FBRS: variants seen among roughly 807,000 people sequenced by gnomAD.
FBRS encodes fibrosin, also known as probable fibrosin-1.
FBRS carries 15 observed loss-of-function variants against 86.1 expected under a neutral mutation model. The observed-to-expected ratio is 0.17, with a 90% CI of 0.12 to 0.27. The LOEUF is 0.27. Among genes scored for constraint, FBRS ranks in the 10% least tolerant of loss-of-function variants. The pLI, the probability that FBRS is intolerant of heterozygous loss-of-function variation, is 1.00. For missense variants in FBRS, 1,367 were observed against 1,301.6 expected, an observed-to-expected ratio of 1.05 and a Z score of -0.77; for synonymous variants, 666 against 575.8, an observed-to-expected ratio of 1.16 and a Z score of -2.24.
chr16:30,669,837 G>A lies in FBRS; in HGVS notation c.*192G>A. 1.4e-6 allele frequency: 1 copy of A among 721,164 alleles called. No individual in the cohort carries two copies. The highest frequency in any genetic ancestry group is 2.2e-6 in the Non-Finnish European group (1 of 448,722). The allele number at this position is 721,164 out of a possible 1,614,324, so 44.7% of individuals were successfully genotyped here. A position where few individuals can be genotyped will look rare whatever the true frequency, so the allele number is the denominator to read the frequency against. ...ATCACATGGAGTGTAGGGTCACTGGGAGAGCAGAGGTCACAGCCTCTAGAG... is the reference window on the plus strand; with the variant it reads ...ATCACATGGAGTGTAGGGTCACTGGAAGAGCAGAGGTCACAGCCTCTAGAG... On this transcript the variant is annotated 3_prime_UTR_variant, in exon 18 of 18. Coordinates refer to ENST00000356166, the MANE Select transcript of FBRS (RefSeq NM_001105079.3). This position sits in a 1 kb window ranked among gnomAD's most constrained non-coding sequence, Gnocchi z 5.9.
Position 30,658,652 on chromosome 16 carries a change from A to T in FBRS, c.-867A>T, listed in dbSNP as rs1402806064. ...GGCGGACAGGGGAGCTGTACCCGTCACCGTTGCCTCACATCCGGGGCTTTG... is the reference window on the plus strand; with the variant it reads ...GGCGGACAGGGGAGCTGTACCCGTCTCCGTTGCCTCACATCCGGGGCTTTG... On this transcript the variant is annotated 5_prime_UTR_variant, in exon 1 of 18. Coordinates refer to ENST00000356166, the MANE Select transcript of FBRS (RefSeq NM_001105079.3). The T allele has an allele frequency of 3.3e-5, 5 of 152,248 alleles. No homozygotes were observed. The highest frequency in any genetic ancestry group is 2.0e-4 in the Admixed American group (3 of 15,284). 9.4% of individuals were successfully genotyped at this position (152,248 alleles called of 1,614,324 possible).
In FBRS at chr16:30,669,661, G is replaced by C; in HGVS notation, c.*16G>C. 6.4e-7 allele frequency: 1 copy of C among 1,572,840 alleles called. No individual in the cohort carries two copies. The highest frequency in any genetic ancestry group is 1.1e-5 in the South Asian group (1 of 88,150). ...TGACAGGTGAGGGGAACGGGGGGGG[G>C]TCGGGGCAAAGCTCCATCTCCCCTT... On this transcript the variant is annotated 3_prime_UTR_variant, in exon 18 of 18. Transcript: ENST00000356166. The surrounding 1 kb of genome is among the most constrained non-coding windows in gnomAD (Gnocchi z 5.9).
chr16:30,668,381 C>T, intron 15 of FBRS, 179 bp from the exon 16 acceptor site: 2 of 596,858 alleles, frequency 3.4e-6, no homozygotes, highest in South Asian at 4.4e-5. Context: ...GTGAGGTTAA[C>T]CGACAGGGTG....
intron 2 of FBRS, 117 bp downstream of exon 2, chr16:30,660,559 A>C: frequency 8.0e-7 from 1 of 1,255,730 alleles, no homozygotes; most frequent in Non-Finnish European, 1.0e-6. Flanking sequence ...GCAAAGAGGC[A>C]AGCAGGGCAA....
chr16:30,664,709 C>T lies in FBRS; in HGVS notation c.1358-6C>T. 1 of 1,515,390 alleles carries T rather than the reference C, an allele frequency of 6.6e-7. No individual in the cohort carries two copies. The highest frequency in any genetic ancestry group is 2.5e-5 in the East Asian group (1 of 40,470). 93.9% of individuals were successfully genotyped at this position (1,515,390 alleles called of 1,614,324 possible). A position where few individuals can be genotyped will look rare whatever the true frequency, so the allele number is the denominator to read the frequency against. ...CATTAAAGCCTTCTCCCGTCCCCTC[C>T]CACAGAGCAGGACCTGATCGGCCAG... On this transcript the variant is annotated splice_polypyrimidine_tract_variant and splice_region_variant and intron_variant, in intron 7 of 17. Transcript: ENST00000356166.
Position 30,669,656 on chromosome 16 carries a change from G to C in FBRS, c.*11G>C, listed in dbSNP as rs770484615. 28 of 1,579,980 alleles carry C rather than the reference G, an allele frequency of 1.8e-5. No homozygotes were observed. The highest frequency in any genetic ancestry group is 2.1e-5 in the Non-Finnish European group (24 of 1,168,094). ...CGGGCTGACAGGTGAGGGGAACGGG[G>C]GGGGGTCGGGGCAAAGCTCCATCTC... On this transcript the variant is annotated 3_prime_UTR_variant, in exon 18 of 18. Transcript: ENST00000356166. The surrounding 1 kb of genome is among the most constrained non-coding windows in gnomAD (Gnocchi z 5.9).
At chr16:30,664,094 T>C (rs2151268821) in intron 6 of FBRS, 121 bp from the exon 7 acceptor site, 1 of 1,183,826 alleles carries the variant, frequency 8.4e-7, no homozygotes, top group Non-Finnish European at 1.1e-6. Flanking sequence ...GTCCTGGGGC[T>C]GGGTTCTGCC....
rs1024106206 is a variant in FBRS at position 30,670,166 on chromosome 16, C to T, written c.*521C>T. 29 of 458,640 alleles carry T rather than the reference C, an allele frequency of 6.3e-5. No homozygotes were observed. Among genetic ancestry groups the T allele is most frequent in the Admixed American group, 5.2e-4 (22 of 42,558 alleles). 28.4% of individuals were successfully genotyped at this position (458,640 alleles called of 1,614,324 possible). A position where few individuals can be genotyped will look rare whatever the true frequency, so the allele number is the denominator to read the frequency against. On this transcript the variant is annotated 3_prime_UTR_variant, in exon 18 of 18. Coordinates refer to ENST00000356166, the MANE Select transcript of FBRS (RefSeq NM_001105079.3). ...GGTGCCCCTCCCAACAGTTCCCTTCCTGGTTAATTAAACCCTCAGACTGGT... is the reference window on the plus strand; with the variant it reads ...GGTGCCCCTCCCAACAGTTCCCTTCTTGGTTAATTAAACCCTCAGACTGGT...
rs1378104118 is a variant in FBRS at position 30,660,760 on chromosome 16, TAGCC to T, written c.639+322_639+325del. Among the ~76,000 whole-genome samples, 4 of 152,082 alleles carry T rather than the reference TAGCC, an allele frequency of 2.6e-5. No individual in the cohort carries two copies. In the South Asian group the frequency reaches 6.2e-4, roughly 24 times the overall value. On this transcript the variant is annotated intron_variant, in intron 2 of 17. Coordinates refer to ENST00000356166, the MANE Select transcript of FBRS (RefSeq NM_001105079.3). Reference sequence around the variant, plus strand: ...TGGTGGCAGTCCAGCAGAAAAGAAATAGCCAGCAAGCAAACACCTAGACCTTAAT... The same window carrying T: ...TGGTGGCAGTCCAGCAGAAAAGAAATAGCAAGCAAACACCTAGACCTTAAT...
Position 30,664,436 on chromosome 16 carries a change from C to T in FBRS, c.1277C>T (p.Pro426Leu). The change falls in exon 7 of 18, where the codon CCT becomes CTT. Residue 426 changes from proline (P) to leucine (L), a missense_variant. Pro to Leu is a moderately conservative substitution (Grantham distance 98, BLOSUM62 -3). Coordinates refer to ENST00000356166, the MANE Select transcript of FBRS (RefSeq NM_001105079.3). ...CCCCACCACCCCTCCTTGTTCTCCC[C>T]TGGCCCCACCCTGCCCCCACCCCCA... The part of the protein sequence containing the change: ...PPPHHPSLFS[P>L]GPTLPPPPPL... 7.0e-7 allele frequency: 1 copy of T among 1,430,348 alleles called. No homozygotes were observed. The highest frequency in any genetic ancestry group is 9.2e-7 in the Non-Finnish European group (1 of 1,081,906). The allele number at this position is 1,430,348 out of a possible 1,614,324, so 88.6% of individuals were successfully genotyped here.
chr16:30,660,719 C>T (rs918017793), intron 2 of FBRS: 11 of 497,518 alleles, frequency 2.2e-5, no homozygotes, highest in Admixed American at 7.9e-5. Flanking sequence ...ATTGTGGTTC[C>T]TGCCCTTCCT....
rs763622694 is a variant in FBRS, at chr16:30,665,727, C to T, written c.1773+21C>T. ...CACAGGTGAGGGGGCCAGGGCAGGT[C>T]CTGGGGGAGCTGGAAGGTGTGTTGC... is the stretch of plus-strand genomic sequence containing the variant. On this transcript the variant is annotated intron_variant, in intron 11 of 17. Transcript: ENST00000356166. This position sits in a 1 kb window ranked among gnomAD's most constrained non-coding sequence, Gnocchi z 4.1. 40 of 1,565,050 alleles carry T rather than the reference C, an allele frequency of 2.6e-5. No homozygotes were observed. The African/African-American group carries it at 5.0e-4, about 20-fold the overall frequency.
chr16:30,664,565 C>T (rs1344361048), intron 7 of FBRS, 49 bp downstream of exon 7: 20 of 1,428,580 alleles, frequency 1.4e-5, no homozygotes, highest in Non-Finnish European at 1.6e-5. Context: ...ACCCCGGGCT[C>T]GGGCCCAGTT....
chr16:30,667,008 C>T lies in FBRS; in HGVS notation c.1875+18C>T, dbSNP rs1367103591. Reference sequence around the variant, plus strand: ...AAATGAAGGTACTGGGGCCGGAGGGCTGGGGAGAGTGGGTCTCAGAGTCAG... The same window carrying T: ...AAATGAAGGTACTGGGGCCGGAGGGTTGGGGAGAGTGGGTCTCAGAGTCAG... On this transcript the variant is annotated intron_variant, in intron 13 of 17. Transcript: ENST00000356166. 1.3e-6 allele frequency: 2 copies of T among 1,597,526 alleles called. No homozygotes were observed. Among genetic ancestry groups the T allele is most frequent in the Admixed American group, 3.5e-5 (2 of 57,060 alleles).
intron 4 of FBRS, 155 bp from the exon 5 acceptor site, chr16:30,662,265 C>T (rs770882461): frequency 1.7e-6 from 2 of 1,187,442 alleles, no homozygotes; most frequent in Non-Finnish European, 1.2e-6. Flanking sequence ...AGCTCAGCCC[C>T]CTAGAGCCCA....
Position 30,668,990 on chromosome 16 carries a change from C to T in FBRS, c.2366+11C>T. On this transcript the variant is annotated intron_variant, in intron 17 of 17. Transcript: ENST00000356166. ...GGAGGAGAAGGACAGGTGTGCCTCC[C>T]ACCCACCCTGCCCCTGCCCCACCCT... 6.5e-7 allele frequency: 1 copy of T among 1,542,988 alleles called. No homozygotes were observed. The highest frequency in any genetic ancestry group is 1.2e-5 in the South Asian group (1 of 84,362).
At position 30,665,830 on chromosome 16, in the gene FBRS, C is replaced by CTA; in HGVS notation, c.1773+125_1773+126dup. 1 of 902,550 alleles carries CTA rather than the reference C, an allele frequency of 1.1e-6. No homozygotes were observed. Among genetic ancestry groups the CTA allele is most frequent in the Non-Finnish European group, 1.7e-6 (1 of 599,618 alleles). The allele number at this position is 902,550 out of a possible 1,614,324, so 55.9% of individuals were successfully genotyped here. On this transcript the variant is annotated intron_variant, in intron 11 of 17. Transcript: ENST00000356166. The surrounding 1 kb of genome is among the most constrained non-coding windows in gnomAD (Gnocchi z 4.1). ...TTCACAATCGGGTGTTCCTGGGTGT[C>CTA]TAATAGAGAGGGAATTTCTGTAAAT...
Position 30,669,882 on chromosome 16 carries a change from A to AT in FBRS, c.*238dup. 1 of 628,672 alleles carries AT rather than the reference A, an allele frequency of 1.6e-6. No individual in the cohort carries two copies. Among genetic ancestry groups the AT allele is most frequent in the Non-Finnish European group, 2.7e-6 (1 of 365,178 alleles). 38.9% of individuals were successfully genotyped at this position (628,672 alleles called of 1,614,324 possible). ...CTAGAGAAGGGAGAGGGGCGTGTGC[A>AT]TGGGAGTGTGGCTCATCTCGGGGGC... is the stretch of plus-strand genomic sequence containing the variant. On this transcript the variant is annotated 3_prime_UTR_variant, in exon 18 of 18. Coordinates refer to ENST00000356166, the MANE Select transcript of FBRS (RefSeq NM_001105079.3). The surrounding 1 kb of genome is among the most constrained non-coding windows in gnomAD (Gnocchi z 5.9).
At chr16:30,660,060 A>G in intron 1 of FBRS, 83 bp downstream of exon 1, 2 of 1,482,960 alleles carry the variant, frequency 1.3e-6, no homozygotes, top group Non-Finnish European at 1.8e-6. Context: ...GGTGGAGTTG[A>G]GGGGGGAATG....
Sources: gnomAD v4.1 joint callset for allele counts (sites outside exome capture counted in the v4.1 genomes callset) on GRCh38, gnomAD v4.1.1 for gene constraint, Gnocchi (gnomAD v3.1) non-coding constraint, MANE v1.5 for transcripts, NCBI Gene and HGNC (gene_info 2026-07-23, HGNC 2026-07-21) for gene names.